Variants in MFHAS1 observed in about 807,000 individuals in gnomAD.
MFHAS1 encodes multifunctional ROCO family signaling regulator 1.
In MFHAS1, 50 loss-of-function variants were observed where a neutral mutation model predicts 70.4. The ratio of observed to expected loss-of-function variants is 0.71; its 90% CI spans 0.57 to 0.90. The LOEUF (loss-of-function observed/expected upper bound fraction) is 0.90. Ranked by LOEUF, MFHAS1 falls within the 40% of genes least tolerant of loss-of-function variation. The pLI is 0.00. For synonymous variants in MFHAS1, 952 were observed against 620.0 expected (o/e 1.54, Z -7.96); for missense variants, 1,795 against 1,347.6 (o/e 1.33, Z -5.20).
intron 1 of MFHAS1, among the ~76,000 whole-genome samples, chr8:8,826,005 T>C (rs1235286282): frequency 1.3e-5 from 2 of 152,186 alleles, no homozygotes; most frequent in East Asian, 3.8e-4. Flanking sequence ...TGGTTCTGAG[T>C]AACTGGTTGG....
chr8:8,886,463 C>G (rs540585814), intron 1 of MFHAS1, among the ~76,000 whole-genome samples: 13 of 152,148 alleles, frequency 8.5e-5, no homozygotes, highest in Admixed American at 7.9e-4. Context: ...CCACTGCACG[C>G]TGCCCATTAC....
Position 8,890,929 on chromosome 8 carries a change from GCT to G in MFHAS1, c.2128_2129del (p.Ser710ArgfsTer7). ...TGTCCTCAAAGTAGAGTAGCTTGCC[GCT>G]CTCATGCAGGTAGGAGAGGGCACTC... ...LQSALSYLHE[S>X]GKLLYFEDSP... On this transcript the variant is annotated frameshift_variant, in exon 1 of 3. Coordinates refer to ENST00000276282, the MANE Select transcript of MFHAS1 (RefSeq NM_004225.3). LOFTEE classifies it high-confidence loss of function. The G allele has an allele frequency of 6.2e-7, 1 of 1,614,060 alleles. No individual in the cohort carries two copies. Among genetic ancestry groups the G allele is most frequent in the South Asian group, 1.1e-5 (1 of 91,084 alleles).
intron 1 of MFHAS1, among the ~76,000 whole-genome samples, chr8:8,888,019 ACTACC>A (rs1784254883): frequency 6.6e-6 from 1 of 152,142 alleles, no homozygotes; most frequent in African/African-American, 2.4e-5. Flanking sequence ...CCTTCAGTAA[ACTACC>A]CTGTAAATGC....
In MFHAS1 at chr8:8,802,878, T is replaced by C. The variant is rs374500528; in HGVS notation, c.2999-5387A>G. Among the ~76,000 whole-genome samples the C allele has an allele frequency of 3.3e-5, 5 of 152,270 alleles. No homozygotes were observed. The East Asian group carries it at 5.8e-4, about 18-fold the overall frequency. On this transcript the variant is annotated intron_variant, in intron 1 of 2. Coordinates refer to ENST00000276282, the MANE Select transcript of MFHAS1 (RefSeq NM_004225.3). ...CCACCCACACGGGATGCTGAATTCA[T>C]GGGGAAGGCAGGTGGAACATCCTTA...
intron 1 of MFHAS1, among the ~76,000 whole-genome samples, chr8:8,813,884 C>A (rs1194939494): frequency 6.6e-6 from 1 of 152,024 alleles, no homozygotes; most frequent in African/African-American, 2.4e-5. Context: ...AACTTCCATT[C>A]CTACAAGCTC....
chr8:8,872,226 A>T (rs1036330332), intron 1 of MFHAS1, among the ~76,000 whole-genome samples: 3 of 152,234 alleles, frequency 2.0e-5, no homozygotes, highest in Admixed American at 6.5e-5. Flanking sequence ...TGACCAAAGA[A>T]TCGGGATTCT....
At chr8:8,788,355 T>A (rs968910908) in intron 2 of MFHAS1, among the ~76,000 whole-genome samples, 1 of 152,194 alleles carries the variant, frequency 6.6e-6, no homozygotes, top group Non-Finnish European at 1.5e-5. Context: ...CAAGATACTA[T>A]GAGATCATTA....
intron 1 of MFHAS1, among the ~76,000 whole-genome samples, chr8:8,858,705 C>T (rs1808545513): frequency 6.6e-6 from 1 of 152,062 alleles, no homozygotes; most frequent in Admixed American, 6.6e-5. Context: ...GCATAAAGTC[C>T]TGAAGTTGGC....
intron 1 of MFHAS1, among the ~76,000 whole-genome samples, chr8:8,824,470 G>C (rs965161715): frequency 6.9e-6 from 1 of 145,042 alleles, no homozygotes; most frequent in Non-Finnish European, 1.5e-5. Context: ...CAGATGCAGT[G>C]CTAGGGTGAG....
chr8:8,849,571 C>G (rs1395158673), intron 1 of MFHAS1, among the ~76,000 whole-genome samples: 1 of 152,188 alleles, frequency 6.6e-6, no homozygotes, highest in Admixed American at 6.5e-5. Flanking sequence ...TAGACCTTCA[C>G]AGCTGCGGTC....
intron 1 of MFHAS1, among the ~76,000 whole-genome samples, chr8:8,803,516 CAAAA>C (rs34602481): frequency 3.2e-5 from 4 of 125,652 alleles, no homozygotes; most frequent in African/African-American, 3.2e-5. Context: ...GACCCTGTCT[CAAAA>C]AAAAAAAAAA....
intron 2 of MFHAS1, among the ~76,000 whole-genome samples, chr8:8,795,627 ACGGGGCACTGAGCCGAGTGCC>A (rs1328619948): frequency 1.3e-5 from 2 of 152,224 alleles, no homozygotes; most frequent in Non-Finnish European, 2.9e-5. Flanking sequence ...GTTTGGAGAA[ACGGGGCACTGAGCCGAGTGCC>A]CTCTACTTCT....
intron 1 of MFHAS1, among the ~76,000 whole-genome samples, chr8:8,812,952 G>C (rs1806604916): frequency 6.6e-6 from 1 of 152,066 alleles, no homozygotes; most frequent in Non-Finnish European, 1.5e-5. Flanking sequence ...TTTTTAGTAG[G>C]GACGGGGTTT....
rs968011004 is a variant in MFHAS1 at position 8,783,663 on chromosome 8, A to G, written c.*2359T>C. 3.3e-5 allele frequency: 5 copies of G among 152,296 alleles called. No homozygotes were observed. Among genetic ancestry groups the G allele is most frequent in the African/African-American group, 1.2e-4 (5 of 41,568 alleles). The allele number at this position is 152,296 out of a possible 1,614,324, so 9.4% of individuals were successfully genotyped here. On this transcript the variant is annotated 3_prime_UTR_variant, in exon 3 of 3. Transcript: ENST00000276282. The stretch of plus-strand genomic sequence containing the variant: ...AAGTTGCAGGAATAGAAACCCTAAC[A>G]AACTTGGAGGGCATTTGTTTGAGAG...
rs146296624 is a variant in MFHAS1 at position 8,889,315 on chromosome 8, C to T, written c.2998+746G>A. ...GATTTCAGTCATCTATCTTCCATGT[C>T]CCTGAGTGGGCGGAGGGGAGCAGCA... is the stretch of plus-strand genomic sequence containing the variant. On this transcript the variant is annotated intron_variant, in intron 1 of 2. Transcript: ENST00000276282. 2.4e-3 allele frequency among the ~76,000 whole-genome samples: 371 copies of T among 152,310 alleles called. 2 individuals carry two copies. Among genetic ancestry groups the T allele is most frequent in the African/African-American group, 8.6e-3 (356 of 41,562 alleles).
chr8:8,787,281 C>A (rs975102018), intron 2 of MFHAS1, among the ~76,000 whole-genome samples: 1 of 152,092 alleles, frequency 6.6e-6, no homozygotes, highest in Non-Finnish European at 1.5e-5. Flanking sequence ...GGGGTTTCAC[C>A]ATGTTAGCCA....
chr8:8,803,496 G>A (rs1162264578), intron 1 of MFHAS1, among the ~76,000 whole-genome samples: 19 of 145,082 alleles, frequency 1.3e-4, no homozygotes, highest in African/African-American at 3.1e-4. Flanking sequence ...CAGCCTGGGC[G>A]ACAGAGCAAG....
chr8:8,837,974 G>GT (rs1234291283), intron 1 of MFHAS1, among the ~76,000 whole-genome samples: 1 of 152,134 alleles, frequency 6.6e-6, no homozygotes, highest in Non-Finnish European at 1.5e-5. Flanking sequence ...ACAAAGACTT[G>GT]TACATGCATG....
chr8:8,889,552 C>A (rs1209284919), intron 1 of MFHAS1, among the ~76,000 whole-genome samples: 1 of 152,194 alleles, frequency 6.6e-6, no homozygotes, highest in African/African-American at 2.4e-5. Context: ...GCATTGCATG[C>A]CTGTATCAAA....
Sources: allele counts gnomAD v4.1 joint callset (sites outside exome capture counted in the v4.1 genomes callset), GRCh38; gene constraint gnomAD v4.1.1; transcripts MANE v1.5; gene names NCBI Gene and HGNC (gene_info 2026-07-23, HGNC 2026-07-21).